Variants in MCC observed in about 807,000 individuals in gnomAD.
MCC encodes MCC regulator of Wnt signaling pathway, also known as colorectal mutant cancer protein.
A neutral mutation model predicts 116.2 loss-of-function variants in MCC; 90 were observed. That is an observed-to-expected ratio of 0.77 (90% CI 0.65 to 0.92). The LOEUF (loss-of-function observed/expected upper bound fraction) is 0.92. MCC is among the 40% of genes least tolerant of loss of function. The pLI, the probability that MCC is intolerant of heterozygous loss-of-function variation, is 0.00. For missense variants in MCC, 1,516 were observed against 1,312.2 expected (o/e 1.16, Z -2.40); for synonymous variants, 578 against 510.5 (o/e 1.13, Z -1.78).
At chr5:113,267,174 C>T (rs1317052156) in intron 3 of MCC, among the ~76,000 whole-genome samples, 1 of 152,142 alleles carries the variant, frequency 6.6e-6, no homozygotes, top group African/African-American at 2.4e-5. Context: ...GTAGCAGGCC[C>T]TCAGTGCTCA....
intron 5 of MCC, among the ~76,000 whole-genome samples, chr5:113,142,503 T>C (rs1759237621): frequency 6.6e-6 from 1 of 151,946 alleles, no homozygotes; most frequent in African/African-American, 2.4e-5. Context: ...GCAGAATCCC[T>C]ACCAGTTATT....
chr5:113,134,170 T>G (rs551559250), intron 5 of MCC, among the ~76,000 whole-genome samples: 1 of 152,376 alleles, frequency 6.6e-6, no homozygotes, highest in South Asian at 2.1e-4. Context: ...TCCTAGTGCA[T>G]TTCCTTAATG....
At chr5:113,383,303 T>C (rs1220220637) in intron 2 of MCC, among the ~76,000 whole-genome samples, 1 of 152,252 alleles carries the variant, frequency 6.6e-6, no homozygotes, top group Non-Finnish European at 1.5e-5. Flanking sequence ...GAAATCCATG[T>C]TCTTGGCAGA....
At chr5:113,346,978 A>G (rs187588143) in intron 2 of MCC, among the ~76,000 whole-genome samples, 4 of 152,064 alleles carry the variant, frequency 2.6e-5, no homozygotes, top group African/African-American at 9.7e-5. Context: ...AGAATAGTAT[A>G]TCTGGTGAAA....
rs371883859 is a variant in MCC, at chr5:113,458,224, A to G, written c.170+30021T>C. ...TTGCTACTGCTCACTCTTTGGGTCC[A>G]CACTGCCTTTATGAGCTGTAACACT... On this transcript the variant is annotated intron_variant, in intron 1 of 18. Transcript: ENST00000408903. Among the ~76,000 whole-genome samples the G allele has an allele frequency of 1.8e-4, 27 of 152,322 alleles. No homozygotes were observed. The East Asian group carries it at 3.1e-3, about 17-fold the overall frequency.
At chr5:113,246,341 G>A (rs374919407) in intron 3 of MCC, among the ~76,000 whole-genome samples, 19 of 152,234 alleles carry the variant, frequency 1.2e-4, no homozygotes, top group African/African-American at 4.3e-4. Flanking sequence ...CTTTTTTAAA[G>A]CAATTTCTCG....
chr5:113,037,420 C>T (rs2150211268), intron 17 of MCC, among the ~76,000 whole-genome samples: 1 of 152,296 alleles, frequency 6.6e-6, no homozygotes, highest in East Asian at 1.9e-4. Context: ...GGGCCGGGCA[C>T]AGTGGCTCAT....
At chr5:113,293,823 C>T (rs1766604092) in intron 3 of MCC, among the ~76,000 whole-genome samples, 1 of 152,148 alleles carries the variant, frequency 6.6e-6, no homozygotes, top group Non-Finnish European at 1.5e-5. Flanking sequence ...TCATTCATCT[C>T]AGCCTAGGGA....
At chr5:113,353,804 C>T (rs1017941641) in intron 2 of MCC, among the ~76,000 whole-genome samples, 1 of 152,194 alleles carries the variant, frequency 6.6e-6, no homozygotes, top group Non-Finnish European at 1.5e-5. Context: ...AGATACCTAT[C>T]AACTGACATA....
chr5:113,458,476 G>C (rs992377680), intron 1 of MCC, among the ~76,000 whole-genome samples: 11 of 152,184 alleles, frequency 7.2e-5, no homozygotes, highest in Non-Finnish European at 1.6e-4. Flanking sequence ...CTTAAGAGCT[G>C]TAACACTCAC....
In MCC at chr5:113,227,113, A is replaced by T. The variant is rs148688387; in HGVS notation, c.628-75691T>A. On this transcript the variant is annotated intron_variant, in intron 3 of 18. Coordinates refer to ENST00000408903, the MANE Select transcript of MCC (RefSeq NM_001085377.2). Reference sequence around the variant, plus strand: ...TGTGATATGACAACTTATTTCTAAAAGGGACTAATTAAGTGACTTTGTTTA... The same window carrying T: ...TGTGATATGACAACTTATTTCTAAATGGGACTAATTAAGTGACTTTGTTTA... Among the ~76,000 whole-genome samples, 282 of 152,336 alleles carry T rather than the reference A, an allele frequency of 1.9e-3. 2 individuals are homozygous for T. The highest frequency in any genetic ancestry group is 6.4e-3 in the African/African-American group (267 of 41,598).
intron 11 of MCC, among the ~76,000 whole-genome samples, chr5:113,078,352 C>T (rs1754606703): frequency 6.6e-6 from 1 of 152,012 alleles, no homozygotes; most frequent in Non-Finnish European, 1.5e-5. Context: ...GACACAACAA[C>T]AAAAAAAGAG....
At chr5:113,470,266 C>A (rs1772046943) in intron 1 of MCC, among the ~76,000 whole-genome samples, 3 of 152,308 alleles carry the variant, frequency 2.0e-5, no homozygotes, top group African/African-American at 7.2e-5. Flanking sequence ...GATGCAGTTT[C>A]TTCCTAGCCT....
intron 11 of MCC, among the ~76,000 whole-genome samples, chr5:113,081,502 C>G (rs1754853844): frequency 6.6e-6 from 1 of 152,132 alleles, no homozygotes; most frequent in Admixed American, 6.5e-5. Context: ...GAGTAGAAAG[C>G]AACTGCCCTA....
rs1246708364 is a variant in MCC, at chr5:113,049,137, A to G, written c.2611T>C (p.Ser871Pro). Reference protein sequence around the residue: ...VEEQKEQRMRSLSSTSSGSKD... With the variant: ...VEEQKEQRMRPLSSTSSGSKD... ...CTGCCGCTGCTGGTGGAGCTGAGGG[A>G]TCGCATCCGCTGCTCCTTCTGCTCC... Residue 871 changes from serine (S) to proline (P), a missense_variant, in exon 16 of 19, where the codon TCC becomes CCC. Physicochemically the swap from Ser to Pro is moderately conservative, Grantham distance 74. Coordinates refer to ENST00000408903, the MANE Select transcript of MCC (RefSeq NM_001085377.2). 3 of 1,614,164 alleles carry G rather than the reference A, an allele frequency of 1.9e-6. No individual in the cohort carries two copies. Among genetic ancestry groups the G allele is most frequent in the Non-Finnish European group, 2.5e-6 (3 of 1,180,024 alleles).
At position 113,340,818 on chromosome 5, in the gene MCC, A is replaced by G. The variant is rs973920443; in HGVS notation, c.416-88T>C. 3 of 1,019,962 alleles carry G rather than the reference A, an allele frequency of 2.9e-6. No individual in the cohort carries two copies. In the African/African-American group the frequency reaches 4.8e-5, roughly 16 times the overall value. The allele number at this position is 1,019,962 out of a possible 1,614,324, so 63.2% of individuals were successfully genotyped here. On this transcript the variant is annotated intron_variant, in intron 2 of 18. Coordinates refer to ENST00000408903, the MANE Select transcript of MCC (RefSeq NM_001085377.2). The stretch of plus-strand genomic sequence containing the variant: ...ATAGGCAATGATTTGGAACCTCCTA[A>G]GCCTTCCATGTGCCAGCATCTCAGA...
intron 1 of MCC, among the ~76,000 whole-genome samples, chr5:113,426,626 C>G (rs978623158): frequency 1.3e-5 from 2 of 152,122 alleles, no homozygotes; most frequent in African/African-American, 4.8e-5. Flanking sequence ...GGGCAATATG[C>G]ATGTGAACAT....
intron 6 of MCC, among the ~76,000 whole-genome samples, chr5:113,111,773 C>T (rs952140369): frequency 1.3e-5 from 2 of 152,180 alleles, no homozygotes; most frequent in Non-Finnish European, 2.9e-5. Context: ...ACTTACTATA[C>T]TTTGGAAATC....
chr5:113,202,002 GT>G (rs1762702883), intron 3 of MCC, among the ~76,000 whole-genome samples: 1 of 152,030 alleles, frequency 6.6e-6, no homozygotes, highest in Non-Finnish European at 1.5e-5. Context: ...TTCCCTCCCA[GT>G]TTTTACTGGC....
Sources: allele counts gnomAD v4.1 joint callset (sites outside exome capture counted in the v4.1 genomes callset), GRCh38; gene constraint gnomAD v4.1.1; transcripts MANE v1.5; gene names NCBI Gene and HGNC (gene_info 2026-07-23, HGNC 2026-07-21).